Variants in RCL1 observed in about 807,000 individuals in gnomAD.
The protein encoded by RCL1 is RNA terminal phosphate cyclase like 1.
Under a neutral mutation model 42.4 loss-of-function variants are expected in RCL1, and 24 were observed. The observed-to-expected ratio is 0.57, with a 90% CI of 0.41 to 0.80. The LOEUF is 0.80. RCL1 is among the 30% of genes least tolerant of loss of function. The pLI is 0.00. For missense variants in RCL1, 578 were observed against 467.9 expected, an observed-to-expected ratio of 1.24 and a Z score of -2.17; for synonymous variants, 228 against 177.3, an observed-to-expected ratio of 1.29 and a Z score of -2.27.
At chr9:4,835,703 G>A (rs1277049460) in intron 5 of RCL1, among the ~76,000 whole-genome samples, 3 of 152,320 alleles carry the variant, frequency 2.0e-5, no homozygotes, top group South Asian at 2.1e-4. Context: ...TCAGAAAGAC[G>A]TGGGTGCCGA....
chr9:4,821,435 A>G (rs1816593157), intron 1 of RCL1, among the ~76,000 whole-genome samples: 1 of 152,182 alleles, frequency 6.6e-6, no homozygotes, highest in South Asian at 2.1e-4. Context: ...GTAAAATGGC[A>G]TCTTAATCCA....
At chr9:4,825,527 T>G (rs1162333282) in intron 2 of RCL1, among the ~76,000 whole-genome samples, 2 of 152,232 alleles carry the variant, frequency 1.3e-5, no homozygotes, top group Non-Finnish European at 2.9e-5. Flanking sequence ...TAGTGTTTAA[T>G]GTAGTAAAAC....
chr9:4,824,650 A>G (rs1216518246), intron 2 of RCL1, among the ~76,000 whole-genome samples: 4 of 152,094 alleles, frequency 2.6e-5, no homozygotes, highest in African/African-American at 9.7e-5. Context: ...CACACATTCC[A>G]CAAATAAATC....
chr9:4,848,638 T>A (rs1817601223), intron 7 of RCL1, among the ~76,000 whole-genome samples: 1 of 152,210 alleles, frequency 6.6e-6, no homozygotes, highest in South Asian at 2.1e-4. Flanking sequence ...CCAGAAAGAA[T>A]GATCAGAAAG....
chr9:4,818,047 A>G (rs749627310), intron 1 of RCL1, among the ~76,000 whole-genome samples: 1 of 149,138 alleles, frequency 6.7e-6, no homozygotes, highest in East Asian at 2.1e-4. Context: ...CAGCCTCCCA[A>G]GTAGCTGAGA....
At chr9:4,833,396 G>A (rs1191815220) in intron 4 of RCL1, among the ~76,000 whole-genome samples, 168 bp downstream of exon 4, 1 of 152,104 alleles carries the variant, frequency 6.6e-6, no homozygotes, top group Non-Finnish European at 1.5e-5. Context: ...GAACTGAAAG[G>A]GACCCTTTAG....
At chr9:4,834,373 C>T (rs1817051611) in intron 5 of RCL1, 108 bp downstream of exon 5, 1 of 1,286,196 alleles carries the variant, frequency 7.8e-7, no homozygotes, top group Admixed American at 2.5e-5. Context: ...ACATTTTAGA[C>T]TACAACTTTG....
intron 1 of RCL1, among the ~76,000 whole-genome samples, chr9:4,809,499 G>A (rs149647718): frequency 4.7e-4 from 72 of 152,120 alleles, no homozygotes; most frequent in African/African-American, 1.6e-3. Context: ...TAGTAGAGAC[G>A]GGATTTCACC....
At chr9:4,809,878 G>A (rs1405386197) in intron 1 of RCL1, among the ~76,000 whole-genome samples, 3 of 151,830 alleles carry the variant, frequency 2.0e-5, no homozygotes, top group East Asian at 1.9e-4. Flanking sequence ...ATGCAGTGGC[G>A]TGATCTTGGC....
chr9:4,848,740 C>T (rs566470442), intron 7 of RCL1, among the ~76,000 whole-genome samples: 1 of 152,234 alleles, frequency 6.6e-6, no homozygotes, highest in African/African-American at 2.4e-5. Flanking sequence ...GCAACCTAAG[C>T]AGTTGTACCT....
chr9:4,820,760 G>T (rs1386499453), intron 1 of RCL1, among the ~76,000 whole-genome samples: 1 of 152,152 alleles, frequency 6.6e-6, no homozygotes, highest in Non-Finnish European at 1.5e-5. Context: ...TGGCATTGTG[G>T]TAGAGATTGT....
intron 8 of RCL1, among the ~76,000 whole-genome samples, chr9:4,859,498 G>A (rs1818085545): frequency 6.6e-6 from 1 of 151,998 alleles, no homozygotes; most frequent in Non-Finnish European, 1.5e-5. Flanking sequence ...ACCAAGAACA[G>A]TGCCTAGCAT....
intron 1 of RCL1, 108 bp downstream of exon 1, chr9:4,793,335 A>AGCGCGTCGGGGAGGGCAGGTG: frequency 1.6e-6 from 2 of 1,258,386 alleles, no homozygotes; most frequent in Non-Finnish European, 2.1e-6. Flanking sequence ...GCGTCCGGCG[A>AGCGCGTCGGGGAGGGCAGGTG]GCGCGTCGGG....
intron 3 of RCL1, among the ~76,000 whole-genome samples, chr9:4,828,189 A>AAAAAT (rs1327530410): frequency 1.3e-5 from 2 of 149,978 alleles, no homozygotes; most frequent in African/African-American, 4.9e-5. Flanking sequence ...AAAAAAAAAA[A>AAAAAT]GTTGATGGCC....
chr9:4,841,473 T>C, intron 6 of RCL1, 116 bp downstream of exon 6: 2 of 831,316 alleles, frequency 2.4e-6, no homozygotes, highest in South Asian at 1.7e-5. Context: ...AATTTCAGAA[T>C]TAATTTCTTT....
chr9:4,794,936 G>A (rs1842889811), intron 1 of RCL1, among the ~76,000 whole-genome samples: 1 of 152,114 alleles, frequency 6.6e-6, no homozygotes, highest in Non-Finnish European at 1.5e-5. Context: ...AGGTGTGCTG[G>A]TATTTTATGG....
chr9:4,841,405 CCTGTTCTAGTTGAAGTTAAA>C, intron 6 of RCL1, 48 bp downstream of exon 6: 1 of 1,491,592 alleles, frequency 6.7e-7, no homozygotes, highest in African/African-American at 1.4e-5. Flanking sequence ...TTTTCACATG[CCTGTTCTAGTTGAAGTTAAA>C]ACTGCCAGCT....
rs552097744 is a variant in RCL1 at position 4,823,665 on chromosome 9, A to G, written c.208+46A>G. The G allele has an allele frequency of 1.3e-5, 17 of 1,303,068 alleles. No individual in the cohort carries two copies. The Middle Eastern group carries it at 9.5e-4, about 73-fold the overall frequency. 80.7% of individuals were successfully genotyped at this position (1,303,068 alleles called of 1,614,324 possible). A position where few individuals can be genotyped will look rare whatever the true frequency, so the allele number is the denominator to read the frequency against. ...TAAAAGCACCTCCATGCACTAAAGC[A>G]TTCCTGTTTCTCACTCTTTTTTTTC... On this transcript the variant is annotated intron_variant, in intron 2 of 8. Coordinates refer to ENST00000381750, the MANE Select transcript of RCL1 (RefSeq NM_005772.5).
At position 4,834,219 on chromosome 9, in the gene RCL1, A is replaced by C; in HGVS notation, c.538A>C (p.Ile180Leu). Reference sequence around the variant, plus strand: ...TCCTGTGAGGAAGGTCTTGAAGCCCATTCAACTCACAGATCCAGGAAAAAT... The same window carrying C: ...TCCTGTGAGGAAGGTCTTGAAGCCCCTTCAACTCACAGATCCAGGAAAAAT... ...SCPVRKVLKP[I>L]QLTDPGKIKR... Residue 180 changes from isoleucine (I) to leucine (L), a missense_variant, in exon 5 of 9, where the codon ATT becomes CTT. Transcript: ENST00000381750. 6.2e-7 allele frequency: 1 copy of C among 1,613,606 alleles called. No individual in the cohort carries two copies. Among genetic ancestry groups the C allele is most frequent in the Non-Finnish European group, 8.5e-7 (1 of 1,179,686 alleles).
Sources: allele counts gnomAD v4.1 joint callset (sites outside exome capture counted in the v4.1 genomes callset), GRCh38; gene constraint gnomAD v4.1.1; transcripts MANE v1.5; gene names NCBI Gene and HGNC (gene_info 2026-07-23, HGNC 2026-07-21).